The following CDC42BPB variants were observed in gnomAD, a reference collection of about 807,000 sequenced individuals.
CDC42BPB encodes the protein serine/threonine-protein kinase MRCK beta.
CDC42BPB carries 37 observed loss-of-function variants against 214.9 expected under a neutral mutation model. The ratio of observed to expected loss-of-function variants is 0.17; its 90% CI spans 0.13 to 0.23. The LOEUF (loss-of-function observed/expected upper bound fraction) is 0.23. Ranked by LOEUF, CDC42BPB falls within the 10% of genes least tolerant of loss-of-function variation. The pLI is 1.00. For synonymous variants in CDC42BPB, 931 were observed against 884.0 expected, an observed-to-expected ratio of 1.05 and a Z score of -0.94; for missense variants, 1,694 against 2,227.0, an observed-to-expected ratio of 0.76 and a Z score of 4.82.
At chr14:103,024,787 C>T (rs1886956995) in intron 1 of CDC42BPB, among the ~76,000 whole-genome samples, 1 of 152,186 alleles carries the variant, frequency 6.6e-6, no homozygotes, top group Non-Finnish European at 1.5e-5. Flanking sequence ...TCTCTACAGG[C>T]ATATGGTCTC....
intron 1 of CDC42BPB, among the ~76,000 whole-genome samples, chr14:103,021,679 C>CA (rs35207138): frequency 0.061 from 8,168 of 133,262 alleles, 505 homozygotes; most frequent in African/African-American, 0.16. Context: ...GACCTAGTCT[C>CA]AAAAAAAAAA....
At chr14:102,985,384 C>T (rs1222537731) in intron 6 of CDC42BPB, among the ~76,000 whole-genome samples, 7 of 144,200 alleles carry the variant, frequency 4.9e-5, no homozygotes, top group African/African-American at 7.8e-5. Flanking sequence ...CTTGTTATAC[C>T]GTGACAGGGT....
chr14:103,014,384 G>C (rs1368689174), intron 1 of CDC42BPB, among the ~76,000 whole-genome samples: 1 of 152,124 alleles, frequency 6.6e-6, no homozygotes, highest in Admixed American at 6.5e-5. Flanking sequence ...CATGTTTTAT[G>C]CTAGGTTTTT....
intron 3 of CDC42BPB, among the ~76,000 whole-genome samples, chr14:103,006,698 T>TA (rs1189848934): frequency 1.3e-5 from 2 of 152,186 alleles, no homozygotes; most frequent in African/African-American, 2.4e-5. Context: ...AATAAAAAGA[T>TA]AAATTATTTG....
intron 1 of CDC42BPB, among the ~76,000 whole-genome samples, chr14:103,047,287 A>C (rs1205471797): frequency 1.3e-5 from 2 of 151,626 alleles, no homozygotes; most frequent in African/African-American, 4.8e-5. Flanking sequence ...CTCAAAAAAA[A>C]AAAAAAAAAA....
intron 1 of CDC42BPB, among the ~76,000 whole-genome samples, chr14:103,013,471 T>C (rs1208555310): frequency 6.6e-6 from 1 of 152,180 alleles, no homozygotes; most frequent in Non-Finnish European, 1.5e-5. Context: ...CTGGGCTGGA[T>C]AGTGTCCCCA....
In CDC42BPB at chr14:102,972,026, T is replaced by TCTG; in HGVS notation, c.1774_1776dup (p.Gln592dup). On this transcript the variant is annotated inframe_insertion, in exon 13 of 37. Transcript: ENST00000361246. ...TTGTCTCGCAGCTGCCGGGACACCT[T>TCTG]CTGCTTCTGGGCACGGAGCTCTGCC... The TCTG allele has an allele frequency of 6.2e-7, 1 of 1,614,234 alleles. No homozygotes were observed. The highest frequency in any genetic ancestry group is 8.5e-7 in the Non-Finnish European group (1 of 1,180,026).
chr14:103,042,020 C>A, intron 1 of CDC42BPB: 1 of 240,760 alleles, frequency 4.2e-6, no homozygotes, highest in Non-Finnish European at 8.8e-6. Context: ...ATGGTCCATG[C>A]TGACGCCCGG....
At chr14:103,053,574 A>T (rs981314665) in intron 1 of CDC42BPB, among the ~76,000 whole-genome samples, 7 of 151,568 alleles carry the variant, frequency 4.6e-5, no homozygotes, top group East Asian at 2.0e-4. Context: ...ATCCTGGCTA[A>T]CACGGTGAAA....
At position 103,004,185 on chromosome 14, in the gene CDC42BPB, ATC is replaced by A; in HGVS notation, c.352-164_352-163del. On this transcript the variant is annotated intron_variant, in intron 3 of 36. Coordinates refer to ENST00000361246, the MANE Select transcript of CDC42BPB (RefSeq NM_006035.4). The surrounding 1 kb of genome is among the most constrained non-coding windows in gnomAD (Gnocchi z 5.3). Reference sequence around the variant, plus strand: ...ACCCCGAGGCTGCTGAGGCTGAGCCATCCCTCATCCCTTCCTCTCCCAAGCCC... The same window carrying A: ...ACCCCGAGGCTGCTGAGGCTGAGCCACCTCATCCCTTCCTCTCCCAAGCCC... The A allele has an allele frequency of 7.3e-7, 1 of 1,370,036 alleles. No individual in the cohort carries two copies. Among genetic ancestry groups the A allele is most frequent in the Non-Finnish European group, 9.4e-7 (1 of 1,059,176 alleles). 84.9% of individuals were successfully genotyped at this position (1,370,036 alleles called of 1,614,324 possible). A position where few individuals can be genotyped will look rare whatever the true frequency, so the allele number is the denominator to read the frequency against.
chr14:102,999,551 C>T lies in CDC42BPB; in HGVS notation c.596+14G>A. On this transcript the variant is annotated intron_variant, in intron 5 of 36. Coordinates refer to ENST00000361246, the MANE Select transcript of CDC42BPB (RefSeq NM_006035.4). ...TAAACGTGGTTTCCATAAAATATAT[C>T]AGAAGCCGGTTACCTGTGCACGTAA... is the stretch of plus-strand genomic sequence containing the variant. The T allele has an allele frequency of 6.2e-7, 1 of 1,612,902 alleles. No individual in the cohort carries two copies. Among genetic ancestry groups the T allele is most frequent in the Non-Finnish European group, 8.5e-7 (1 of 1,179,122 alleles).
intron 34 of CDC42BPB, among the ~76,000 whole-genome samples, chr14:102,938,984 T>A (rs1436508984): frequency 6.6e-6 from 1 of 150,978 alleles, no homozygotes; most frequent in Non-Finnish European, 1.5e-5. Flanking sequence ...TCACCCAGGC[T>A]GGAGTGCAGT....
chr14:102,995,602 A>G (rs1351080795), intron 5 of CDC42BPB, among the ~76,000 whole-genome samples: 1 of 152,198 alleles, frequency 6.6e-6, no homozygotes, highest in Non-Finnish European at 1.5e-5. Flanking sequence ...TCTGCCACTG[A>G]TTTCCTCACC....
At chr14:103,039,165 G>C (rs1364137992) in intron 1 of CDC42BPB, among the ~76,000 whole-genome samples, 1 of 151,724 alleles carries the variant, frequency 6.6e-6, no homozygotes. Context: ...TCCAGGCCTG[G>C]ACAGCTTCAC....
rs10130949 is a variant in CDC42BPB at position 103,050,858 on chromosome 14, C to T, written c.175+6141G>A. On this transcript the variant is annotated intron_variant, in intron 1 of 36. Coordinates refer to ENST00000361246, the MANE Select transcript of CDC42BPB (RefSeq NM_006035.4). ...TAAATTAACACTGGGAATCACCTTA[C>T]AATAGGTCCCAAATGTTCTCCAAAG... Among the ~76,000 whole-genome samples, 1,037 of 152,200 alleles carry T rather than the reference C, an allele frequency of 6.8e-3. 11 individuals are homozygous for T. The highest frequency in any genetic ancestry group is 0.024 in the African/African-American group (990 of 41,518).
Position 102,970,228 on chromosome 14 carries a change from C to T in CDC42BPB, c.1918G>A (p.Ala640Thr). ...EAQLDDAVAE[A>T]SKERKLREHS... Reference sequence around the variant, plus strand: ...TCACGAAGCTTGCGCTCCTTGGAGGCCTCAGCAACAGCATCATCAAGCTGA... The same window carrying T: ...TCACGAAGCTTGCGCTCCTTGGAGGTCTCAGCAACAGCATCATCAAGCTGA... The change falls in exon 14 of 37, where the codon GCC (alanine) becomes ACC (threonine). Residue 640 changes from alanine (A) to threonine (T), a missense_variant. Physicochemically the swap from Ala to Thr is moderately conservative, Grantham distance 58. This residue lies in a region of CDC42BPB where 462 missense variants were observed against 513.5 expected (regional missense o/e 0.90). Transcript: ENST00000361246. 6.2e-7 allele frequency: 1 copy of T among 1,613,652 alleles called. No homozygotes were observed. The highest frequency in any genetic ancestry group is 8.5e-7 in the Non-Finnish European group (1 of 1,179,868).
At chr14:103,024,940 C>A (rs563918465) in intron 1 of CDC42BPB, among the ~76,000 whole-genome samples, 1 of 152,174 alleles carries the variant, frequency 6.6e-6, no homozygotes, top group East Asian at 1.9e-4. Flanking sequence ...AGACTTTTTA[C>A]GTGTCAGTTT....
In CDC42BPB at chr14:102,978,196, G is replaced by T; in HGVS notation, c.1150C>A (p.Pro384Thr). ...GAAAAGCCTGTGTGAGAACCAGGAG[G>T]TAATATTTCCTGCATAAGAACATAT... ...DDVLRNTEIL[P>T]PGSHTGFSGL... The change falls in exon 9 of 37, where the codon CCT (proline) becomes ACT (threonine). Residue 384 changes from proline (P) to threonine (T), a missense_variant. Physicochemically the swap from Pro to Thr is conservative, Grantham distance 38 (BLOSUM62 -1). Coordinates refer to ENST00000361246, the MANE Select transcript of CDC42BPB (RefSeq NM_006035.4). 6.2e-7 allele frequency: 1 copy of T among 1,612,526 alleles called. No individual in the cohort carries two copies. Among genetic ancestry groups the T allele is most frequent in the Non-Finnish European group, 8.5e-7 (1 of 1,178,542 alleles).
intron 5 of CDC42BPB, among the ~76,000 whole-genome samples, chr14:102,996,799 T>G (rs60637590): frequency 0.09 from 11,014 of 122,110 alleles, 1,030 homozygotes; most frequent in African/African-American, 0.25. Context: ...GCAACAAGAG[T>G]GAGACTCCAT....
Sources: gnomAD v4.1 joint callset for allele counts (sites outside exome capture counted in the v4.1 genomes callset) on GRCh38, gnomAD v4.1.1 for gene constraint, gnomAD v4.1.1 regional missense constraint, Gnocchi (gnomAD v3.1) non-coding constraint, MANE v1.5 for transcripts, NCBI Gene and HGNC (gene_info 2026-07-23, HGNC 2026-07-21) for gene names.